The following DNAH7 variants were observed in gnomAD, a reference collection of about 807,000 sequenced individuals.
DNAH7 encodes axonemal beta dynein heavy chain 7.
Under a neutral mutation model 444.6 loss-of-function variants are expected in DNAH7, and 397 were observed. The ratio of observed to expected loss-of-function variants is 0.89; its 90% CI spans 0.82 to 0.97. The LOEUF (loss-of-function observed/expected upper bound fraction) is 0.97. Ranked by LOEUF, DNAH7 falls within the 50% of genes least tolerant of loss-of-function variation. The pLI is 0.00. For missense variants in DNAH7, 4,902 were observed against 4,800.8 expected (o/e 1.02, Z -0.62); for synonymous variants, 1,636 against 1,624.4 (o/e 1.01, Z -0.17).
intron 21 of DNAH7, among the ~76,000 whole-genome samples, chr2:195,928,231 A>G (rs192723117): frequency 6.6e-6 from 1 of 152,166 alleles, no homozygotes; most frequent in African/African-American, 2.4e-5. Context: ...AGCTCCATCT[A>G]TGTTGCTACA....
At chr2:196,002,847 A>G (rs1263313486) in intron 10 of DNAH7, among the ~76,000 whole-genome samples, 2 of 152,010 alleles carry the variant, frequency 1.3e-5, no homozygotes, top group Non-Finnish European at 2.9e-5. Context: ...ATCTCTACTA[A>G]AAATACAAAA....
intron 5 of DNAH7, among the ~76,000 whole-genome samples, chr2:196,042,158 T>C (rs1351161302): frequency 6.6e-6 from 1 of 152,004 alleles, no homozygotes; most frequent in Non-Finnish European, 1.5e-5. Flanking sequence ...AGTATGGAAG[T>C]TCCTTTAAAA....
At position 196,026,899 on chromosome 2, in the gene DNAH7, A is replaced by T; in HGVS notation, c.528T>A (p.His176Gln). ...YYIHHGIDTDHVAPMEDSWLE... is the reference protein window; with the variant it reads ...YYIHHGIDTDQVAPMEDSWLE... Reference sequence around the variant, plus strand: ...GCCAAGAATCTTCCATTGGGGCTACATGGTCTGTATCAATTCCATGGTGAA... The same window carrying T: ...GCCAAGAATCTTCCATTGGGGCTACTTGGTCTGTATCAATTCCATGGTGAA... Residue 176 changes from histidine to glutamine, a missense_variant, in exon 7 of 65, where the codon CAT becomes CAA. Coordinates refer to ENST00000312428, the MANE Select transcript of DNAH7 (RefSeq NM_018897.3). The T allele has an allele frequency of 6.2e-7, 1 of 1,612,248 alleles. No individual in the cohort carries two copies. The highest frequency in any genetic ancestry group is 8.5e-7 in the Non-Finnish European group (1 of 1,178,702).
Position 195,876,672 on chromosome 2 carries a change from C to A in DNAH7, c.5989G>T (p.Glu1997Ter). The A allele has an allele frequency of 6.2e-7, 1 of 1,601,036 alleles. No homozygotes were observed. Among genetic ancestry groups the A allele is most frequent in the East Asian group, 2.2e-5 (1 of 44,766 alleles). Residue 1997 changes from glutamate to a stop codon, truncating the protein, a stop_gained, in exon 37 of 65, where the codon GAA (glutamate) becomes TAA (stop). Transcript: ENST00000312428. LOFTEE classifies it high-confidence loss of function. ...TNFLLNQLNK[E>*]IYKPLLINFS... Reference sequence around the variant, plus strand: ...TTAATTAGCAGAGGTTTGTAGATTTCCTTATTTAGTTGATTTAAAAGAAAA... The same window carrying A: ...TTAATTAGCAGAGGTTTGTAGATTTACTTATTTAGTTGATTTAAAAGAAAA...
Position 196,024,431 on chromosome 2 carries a change from A to G in DNAH7, c.741T>C (p.Ala247=), listed in dbSNP as rs1014890270. The change falls in exon 8 of 65, where the codon GCT becomes GCC. Residue 247 remains alanine (A), a splice_region_variant and synonymous_variant. Coordinates refer to ENST00000312428, the MANE Select transcript of DNAH7 (RefSeq NM_018897.3). ...KKTDELPAHR[A]EMEILPKPWR... is the part of the protein sequence containing the mutation. ...CTTAGAGAAATCTGATCACTTACTC[A>G]GCACGATGGGCTGGAAGTTCATCTG... 1.3e-6 allele frequency: 2 copies of G among 1,576,912 alleles called. No homozygotes were observed. Among genetic ancestry groups the G allele is most frequent in the East Asian group, 2.3e-5 (1 of 43,332 alleles).
At chr2:195,797,293 C>G (rs1032730408) in intron 55 of DNAH7, among the ~76,000 whole-genome samples, 1 of 152,180 alleles carries the variant, frequency 6.6e-6, no homozygotes, top group Non-Finnish European at 1.5e-5. Context: ...GCTTCTGGGT[C>G]TCCTTTCTGG....
chr2:195,979,216 TATTAG>T (rs1360479274), intron 15 of DNAH7, among the ~76,000 whole-genome samples: 1 of 152,176 alleles, frequency 6.6e-6, no homozygotes, highest in Non-Finnish European at 1.5e-5. Flanking sequence ...ATAGACCATA[TATTAG>T]ATGCCAAAAC....
At chr2:195,916,130 A>C (rs906532518) in intron 24 of DNAH7, among the ~76,000 whole-genome samples, 1 of 147,186 alleles carries the variant, frequency 6.8e-6, no homozygotes, top group Non-Finnish European at 1.5e-5. Context: ...CTAGACACAA[A>C]ATTAATTCAA....
chr2:195,937,917 G>C (rs1039538139), intron 19 of DNAH7, among the ~76,000 whole-genome samples: 1 of 152,050 alleles, frequency 6.6e-6, no homozygotes, highest in African/African-American at 2.4e-5. Flanking sequence ...ATGTAACAGG[G>C]CATTTTAGGA....
chr2:195,854,653 T>C (rs1054007306), intron 45 of DNAH7, among the ~76,000 whole-genome samples: 8 of 152,152 alleles, frequency 5.3e-5, no homozygotes, highest in Admixed American at 2.0e-4. Flanking sequence ...AAAGTTGCCA[T>C]CAGAAACTAC....
intron 19 of DNAH7, among the ~76,000 whole-genome samples, chr2:195,939,563 T>C (rs1234057846): frequency 6.6e-6 from 1 of 152,152 alleles, no homozygotes; most frequent in East Asian, 1.9e-4. Context: ...ACTAGAAATT[T>C]GAATCTTAGT....
intron 19 of DNAH7, among the ~76,000 whole-genome samples, chr2:195,953,817 C>CT (rs1448707413): frequency 2.0e-5 from 3 of 152,320 alleles, no homozygotes; most frequent in African/African-American, 4.8e-5. Context: ...TTATTAGGAA[C>CT]TCCTAAGAAT....
At position 195,994,382 on chromosome 2, in the gene DNAH7, T is replaced by C. The variant is rs1378901428; in HGVS notation, c.1354-6153A>G. On this transcript the variant is annotated intron_variant, in intron 12 of 64. Transcript: ENST00000312428. ...GCAGGGGAGGCAGTAAGTTTACAAA[T>C]GGTCCTTCTAGGTTAGAAGGAATTT... The C allele has an allele frequency of 6.8e-6, 5 of 733,560 alleles. No individual in the cohort carries two copies. The Admixed American group carries it at 1.1e-4, about 16-fold the overall frequency. 45.4% of individuals were successfully genotyped at this position (733,560 alleles called of 1,614,324 possible). A position where few individuals can be genotyped will look rare whatever the true frequency, so the allele number is the denominator to read the frequency against.
At chr2:195,738,335 T>A (rs895889861) in intron 64 of DNAH7, among the ~76,000 whole-genome samples, 16 of 152,188 alleles carry the variant, frequency 1.1e-4, no homozygotes, top group Admixed American at 1.0e-3. Flanking sequence ...CTTCTCTTTC[T>A]AAAAGCATAT....
At chr2:196,047,566 C>T in intron 4 of DNAH7, 67 bp from the exon 5 acceptor site, 2 of 1,276,128 alleles carry the variant, frequency 1.6e-6, no homozygotes, top group Non-Finnish European at 2.1e-6. Flanking sequence ...ATTTCACATG[C>T]TTAAAATAAG....
In DNAH7 at chr2:196,037,630, CTAGA is replaced by C. The variant is rs1696478591; in HGVS notation, c.399-9587_399-9584del. Among the ~76,000 whole-genome samples the C allele has an allele frequency of 2.6e-5, 4 of 152,028 alleles. No individual in the cohort carries two copies. In the South Asian group the frequency reaches 8.3e-4, roughly 32 times the overall value. ...AAAAATCAGGAGTTTCTGCAATGGA[CTAGA>C]TAAAGTAGAAGGAAGAATTTTTTAA... is the stretch of plus-strand genomic sequence containing the variant. On this transcript the variant is annotated intron_variant, in intron 5 of 64. Transcript: ENST00000312428.
chr2:195,949,973 GC>G (rs1690109432), intron 19 of DNAH7, among the ~76,000 whole-genome samples: 1 of 152,146 alleles, frequency 6.6e-6, no homozygotes, highest in South Asian at 2.1e-4. Context: ...TGCTGGATAA[GC>G]TTTTTGATGT....
intron 14 of DNAH7, among the ~76,000 whole-genome samples, chr2:195,985,131 G>C (rs1348156439): frequency 1.3e-5 from 2 of 152,134 alleles, no homozygotes; most frequent in Non-Finnish European, 2.9e-5. Flanking sequence ...TGTGTGCTCA[G>C]GAACTTCCAG....
chr2:195,888,214 GTT>G (rs1701815953), intron 33 of DNAH7, 42 bp downstream of exon 33: 1 of 1,501,796 alleles, frequency 6.7e-7, no homozygotes, highest in East Asian at 2.4e-5. Flanking sequence ...TCTAATTTGA[GTT>G]TTCCATTTAT....
Sources: gnomAD v4.1 joint callset for allele counts (sites outside exome capture counted in the v4.1 genomes callset) on GRCh38, gnomAD v4.1.1 for gene constraint, MANE v1.5 for transcripts, NCBI Gene and HGNC (gene_info 2026-07-23, HGNC 2026-07-21) for gene names.